ANO2: variants seen among roughly 807,000 people sequenced by gnomAD.
ANO2 encodes the protein anoctamin-2.
In ANO2, 101 loss-of-function variants were observed where a neutral mutation model predicts 124.2. That is an observed-to-expected ratio of 0.81 (90% confidence interval 0.69 to 0.96). The LOEUF (loss-of-function observed/expected upper bound fraction) is 0.96, where lower values mean the gene tolerates loss of function less well. ANO2 is among the 40% of genes least tolerant of loss of function. The pLI is 0.00. For missense variants in ANO2, 1,293 were observed against 1,274.5 expected (o/e 1.01, Z -0.22); for synonymous variants, 486 against 482.5 (o/e 1.01, Z -0.09).
At chr12:5,869,493 T>C (rs917900465) in intron 3 of ANO2, among the ~76,000 whole-genome samples, 1 of 152,156 alleles carries the variant, frequency 6.6e-6, no homozygotes, top group African/African-American at 2.4e-5. Context: ...TCCAATAACA[T>C]GACAAAGAGA....
intron 10 of ANO2, among the ~76,000 whole-genome samples, chr12:5,798,210 T>A (rs1952930576): frequency 6.6e-6 from 1 of 151,074 alleles, no homozygotes; most frequent in African/African-American, 2.4e-5. Flanking sequence ...AGGTGGCCCA[T>A]GCCACATGAA....
intron 3 of ANO2, among the ~76,000 whole-genome samples, chr12:5,911,380 G>T (rs1457590308): frequency 6.6e-6 from 1 of 152,172 alleles, no homozygotes; most frequent in Non-Finnish European, 1.5e-5. Context: ...TAAAGACCCT[G>T]AACTTATCAA....
At chr12:5,786,786 C>T (rs1952553390) in intron 10 of ANO2, among the ~76,000 whole-genome samples, 2 of 152,166 alleles carry the variant, frequency 1.3e-5, no homozygotes, top group Non-Finnish European at 2.9e-5. Context: ...TGTCAAACTG[C>T]CTGGGATTTG....
intron 19 of ANO2, among the ~76,000 whole-genome samples, chr12:5,603,416 A>C (rs1351664914): frequency 6.6e-6 from 1 of 152,252 alleles, no homozygotes; most frequent in African/African-American, 2.4e-5. Flanking sequence ...GTTCTCTTTG[A>C]GGAAGAGATG....
chr12:5,935,430 C>G (rs1011526301), intron 1 of ANO2, among the ~76,000 whole-genome samples: 3 of 152,196 alleles, frequency 2.0e-5, no homozygotes. Flanking sequence ...CTGGAGATAG[C>G]ATAATAACTA....
intron 4 of ANO2, among the ~76,000 whole-genome samples, chr12:5,846,729 C>T (rs1436918122): frequency 6.6e-6 from 1 of 152,208 alleles, no homozygotes; most frequent in African/African-American, 2.4e-5. Flanking sequence ...CTGCCTTCTT[C>T]ACATAATCTT....
At chr12:5,929,706 C>A (rs1942266944) in intron 1 of ANO2, among the ~76,000 whole-genome samples, 1 of 149,142 alleles carries the variant, frequency 6.7e-6, no homozygotes, top group South Asian at 2.1e-4. Context: ...TATCTTCTTT[C>A]CTTACTCGTC....
chr12:5,726,809 A>G (rs1454876290), intron 14 of ANO2, among the ~76,000 whole-genome samples: 1 of 152,208 alleles, frequency 6.6e-6, no homozygotes, highest in African/African-American at 2.4e-5. Context: ...CCAATCCCCC[A>G]AACCAATGGG....
chr12:5,887,770 C>G (rs1362481681), intron 3 of ANO2, among the ~76,000 whole-genome samples: 1 of 151,932 alleles, frequency 6.6e-6, no homozygotes, highest in Non-Finnish European at 1.5e-5. Context: ...TTTTTACAAG[C>G]GTTATCCTCT....
chr12:5,918,384 G>A (rs1164149512), intron 3 of ANO2, among the ~76,000 whole-genome samples: 1 of 151,920 alleles, frequency 6.6e-6, no homozygotes, highest in East Asian at 1.9e-4. Context: ...GGAAAGGAAA[G>A]GATGAATGAC....
intron 14 of ANO2, among the ~76,000 whole-genome samples, chr12:5,703,390 G>A (rs1949482319): frequency 6.6e-6 from 1 of 152,162 alleles, no homozygotes; most frequent in African/African-American, 2.4e-5. Context: ...AGGAAGGGAA[G>A]GAACAGGGTG....
chr12:5,651,037 A>G (rs1946891724), intron 14 of ANO2, among the ~76,000 whole-genome samples: 1 of 152,248 alleles, frequency 6.6e-6, no homozygotes, highest in Non-Finnish European at 1.5e-5. Flanking sequence ...ACATGAGTGC[A>G]TGCATATGAG....
At chr12:5,670,217 G>A (rs1333430730) in intron 14 of ANO2, among the ~76,000 whole-genome samples, 4 of 152,156 alleles carry the variant, frequency 2.6e-5, no homozygotes, top group African/African-American at 9.7e-5. Context: ...GAGAAATATT[G>A]TACCCTCTGG....
intron 16 of ANO2, among the ~76,000 whole-genome samples, chr12:5,631,752 A>C (rs1945730340): frequency 6.6e-6 from 1 of 152,180 alleles, no homozygotes; most frequent in African/African-American, 2.4e-5. Flanking sequence ...GGGGTGGGAC[A>C]ACACAGGGAG....
chr12:5,648,505 C>T (rs572188553), intron 14 of ANO2, among the ~76,000 whole-genome samples: 9 of 152,304 alleles, frequency 5.9e-5, no homozygotes, highest in African/African-American at 2.2e-4. Flanking sequence ...CATTATCCTG[C>T]GACAATCGTT....
intron 14 of ANO2, 142 bp from the exon 15 acceptor site, chr12:5,647,943 A>G: frequency 1.5e-6 from 1 of 670,646 alleles, no homozygotes; most frequent in Admixed American, 2.6e-5. Context: ...CTTACTCTCC[A>G]TATCAACAAC....
chr12:5,719,024 C>G (rs1269853710), intron 14 of ANO2, among the ~76,000 whole-genome samples: 2 of 152,188 alleles, frequency 1.3e-5, no homozygotes, highest in African/African-American at 2.4e-5. Context: ...TGACACCTTC[C>G]TAGCTAGCTC....
chr12:5,647,751 C>G lies in ANO2; in HGVS notation c.1596G>C (p.Met532Ile), dbSNP rs753643053. The change falls in exon 15 of 25, where the codon ATG becomes ATC. Residue 532 changes from methionine (M) to isoleucine (I), a missense_variant. Met to Ile is a conservative substitution (Grantham distance 10, BLOSUM62 1). Transcript: ENST00000682330. The part of the protein sequence containing the change: ...TWKDRFPGYL[M>I]NFASILFMIA... ...CCATGAATAAGATGGAGGCAAAGTT[C>G]ATCAGGTAACCTGGGAAACGATCCT... 8 of 1,610,230 alleles carry G rather than the reference C, an allele frequency of 5.0e-6. No homozygotes were observed. In the Admixed American group the frequency reaches 1.3e-4, roughly 27 times the overall value.
intron 7 of ANO2, among the ~76,000 whole-genome samples, chr12:5,819,419 A>G (rs1490164869): frequency 6.6e-6 from 1 of 152,234 alleles, no homozygotes; most frequent in African/African-American, 2.4e-5. Context: ...ATCAGGCTAA[A>G]TTTATTGATT....
Sources: gnomAD v4.1 joint callset for allele counts (sites outside exome capture counted in the v4.1 genomes callset) on GRCh38, gnomAD v4.1.1 for gene constraint, MANE v1.5 for transcripts, NCBI Gene and HGNC (gene_info 2026-07-23, HGNC 2026-07-21) for gene names.